The following PRRC2C variants were observed in gnomAD, a reference collection of about 807,000 sequenced individuals.
The protein encoded by PRRC2C is proline rich coiled-coil 2C.
A neutral mutation model predicts 317.2 loss-of-function variants in PRRC2C; 72 were observed. The observed-to-expected ratio is 0.23, with a 90% CI of 0.19 to 0.28. The LOEUF is 0.28. PRRC2C is among the 10% of genes least tolerant of loss of function. The probability of loss-of-function intolerance (pLI) is 1.00; values close to 1 mark genes in which losing one functional copy is unlikely to be tolerated. For missense variants in PRRC2C, 3,074 were observed against 3,459.7 expected (o/e 0.89, Z 2.80); for synonymous variants, 1,296 against 1,205.9 (o/e 1.07, Z -1.55).
chr1:171,497,370 G>A (rs1209972739), intron 1 of PRRC2C, among the ~76,000 whole-genome samples: 1 of 152,170 alleles, frequency 6.6e-6, no homozygotes, highest in Non-Finnish European at 1.5e-5. Flanking sequence ...TGTGTTTTGA[G>A]CAAATTACTT....
At chr1:171,549,989 GTTT>G (rs11358319) in intron 17 of PRRC2C, 94 bp from the exon 18 acceptor site, 1,062 of 715,294 alleles carry the variant, frequency 1.5e-3, no homozygotes, top group South Asian at 2.2e-3. Context: ...CCTTTGGCTA[GTTT>G]TTTTTTTTTT....
In PRRC2C at chr1:171,537,212, C is replaced by T. The variant is rs563326622; in HGVS notation, c.2294-51C>T. On this transcript the variant is annotated intron_variant, in intron 14 of 34. Transcript: ENST00000647382. Reference sequence around the variant, plus strand: ...TTCTATGTCTATCATGGTTTTGTTTCGTTCATTTTTCAAAATCCTCATTTC... The same window carrying T: ...TTCTATGTCTATCATGGTTTTGTTTTGTTCATTTTTCAAAATCCTCATTTC... 1.7e-5 allele frequency: 23 copies of T among 1,358,202 alleles called. No homozygotes were observed. In the East Asian group the frequency reaches 4.0e-4, roughly 24 times the overall value. The allele number at this position is 1,358,202 out of a possible 1,614,324, so 84.1% of individuals were successfully genotyped here.
intron 1 of PRRC2C, among the ~76,000 whole-genome samples, chr1:171,489,920 A>AT (rs34537475): frequency 1.7e-3 from 250 of 150,280 alleles, no homozygotes; most frequent in Middle Eastern, 3.4e-3. Flanking sequence ...ATTTAAACGA[A>AT]TTTTTTTTTT....
rs556767088 is a variant in PRRC2C at position 171,527,679 on chromosome 1, C to G, written c.1201-112C>G. On this transcript the variant is annotated intron_variant, in intron 10 of 34. Coordinates refer to ENST00000647382, the MANE Select transcript of PRRC2C (RefSeq NM_001387844.1). ...GCTGAGGCATGAGAATTGCTTGGCCCCGGGAGACAGAGGTTGCAGTGAGCC... is the reference window on the plus strand; with the variant it reads ...GCTGAGGCATGAGAATTGCTTGGCCGCGGGAGACAGAGGTTGCAGTGAGCC... The G allele has an allele frequency of 7.4e-6, 6 of 815,652 alleles. No individual in the cohort carries two copies. The Admixed American group carries it at 1.5e-4, about 20-fold the overall frequency. The allele number at this position is 815,652 out of a possible 1,614,324, so 50.5% of individuals were successfully genotyped here. A position where few individuals can be genotyped will look rare whatever the true frequency, so the allele number is the denominator to read the frequency against.
At chr1:171,591,548 T>C (rs1651443219) in intron 34 of PRRC2C, 39 bp from the exon 35 acceptor site, 3 of 1,596,152 alleles carry the variant, frequency 1.9e-6, no homozygotes, top group South Asian at 2.2e-5. Context: ...GCTTTGGTAA[T>C]GCTGCAGTAT....
intron 16 of PRRC2C, among the ~76,000 whole-genome samples, 189 bp downstream of exon 16, chr1:171,542,418 G>C (rs1307425027): frequency 2.0e-5 from 3 of 152,250 alleles, no homozygotes; most frequent in African/African-American, 4.8e-5. Flanking sequence ...TGTCTTAGGA[G>C]TCTTTGCCTG....
chr1:171,493,562 G>T (rs1557852526), intron 1 of PRRC2C, among the ~76,000 whole-genome samples: 1 of 152,200 alleles, frequency 6.6e-6, no homozygotes, highest in Non-Finnish European at 1.5e-5. Flanking sequence ...GGCTCACCCT[G>T]TAATCCCAGC....
At chr1:171,524,719 C>T (rs748529597) in intron 9 of PRRC2C, 102 bp from the exon 10 acceptor site, 546 of 1,211,966 alleles carry the variant, frequency 4.5e-4, no homozygotes, top group Non-Finnish European at 5.9e-4. Flanking sequence ...ACATTTCCCC[C>T]CCCAGAAACC....
intron 20 of PRRC2C, among the ~76,000 whole-genome samples, chr1:171,561,516 C>G (rs1009734039): frequency 1.3e-5 from 2 of 152,168 alleles, no homozygotes; most frequent in African/African-American, 4.8e-5. Context: ...AAACAGATTG[C>G]TGAGCCCCAT....
At chr1:171,508,224 T>G (rs997790770) in intron 1 of PRRC2C, among the ~76,000 whole-genome samples, 1 of 152,186 alleles carries the variant, frequency 6.6e-6, no homozygotes, top group East Asian at 1.9e-4. Flanking sequence ...GTGTACTAGA[T>G]TTCAGGAAAA....
chr1:171,532,999 CAA>C, intron 12 of PRRC2C, 38 bp downstream of exon 12: 1 of 1,488,152 alleles, frequency 6.7e-7, no homozygotes, highest in Non-Finnish European at 8.9e-7. Context: ...AAAAACTTTA[CAA>C]AGAGCTTTAT....
At chr1:171,547,150 T>C (rs1457644314) in intron 17 of PRRC2C, among the ~76,000 whole-genome samples, 1 of 152,160 alleles carries the variant, frequency 6.6e-6, no homozygotes, top group Non-Finnish European at 1.5e-5. Context: ...AAAAACTATA[T>C]ATATTTCTGA....
At chr1:171,560,978 CTA>C (rs1362813965) in intron 19 of PRRC2C, 38 bp from the exon 20 acceptor site, 24 of 1,486,406 alleles carry the variant, frequency 1.6e-5, no homozygotes, top group Non-Finnish European at 2.3e-5. Flanking sequence ...TTATTAGACT[CTA>C]AATCTTAATC....
In PRRC2C at chr1:171,577,521, A is replaced by G. The variant is rs757862578; in HGVS notation, c.7043A>G (p.Gln2348Arg). The G allele has an allele frequency of 1.2e-6, 2 of 1,612,790 alleles. No individual in the cohort carries two copies. The highest frequency in any genetic ancestry group is 1.3e-5 in the African/African-American group (1 of 74,908). Residue 2348 changes from glutamine (Q) to arginine (R), a missense_variant, in exon 26 of 35, where the codon CAG becomes CGG. Gln to Arg is a conservative substitution (Grantham distance 43, BLOSUM62 1). Transcript: ENST00000647382. ...AATATTTGTAAAGTGAAACCTCAGC[A>G]GTTACAGACAAGCAGCCTGCCTTCT... ...PPNICKVKPQ[Q>R]LQTSSLPSAS...
In PRRC2C at chr1:171,586,669, C is replaced by G. The variant is rs542592579; in HGVS notation, c.7750-334C>G. Among the ~76,000 whole-genome samples, 12 of 151,902 alleles carry G rather than the reference C, an allele frequency of 7.9e-5. No homozygotes were observed. In the South Asian group the frequency reaches 1.9e-3, roughly 24 times the overall value. Reference sequence around the variant, plus strand: ...GATCTCGGCTCACTGCAACCTCCCCCTCCTGGGTCCAAGTGATTCTCATGC... The same window carrying G: ...GATCTCGGCTCACTGCAACCTCCCCGTCCTGGGTCCAAGTGATTCTCATGC... On this transcript the variant is annotated intron_variant, in intron 30 of 34. Coordinates refer to ENST00000647382, the MANE Select transcript of PRRC2C (RefSeq NM_001387844.1).
At chr1:171,568,820 C>T (rs80264131) in intron 23 of PRRC2C, among the ~76,000 whole-genome samples, 2,123 of 151,332 alleles carry the variant, frequency 0.014, 56 homozygotes, top group African/African-American at 0.05. Flanking sequence ...GTGTTAACAA[C>T]ATTCTTGTTG....
At chr1:171,560,349 A>T (rs796100153) in intron 19 of PRRC2C, among the ~76,000 whole-genome samples, 9 of 152,298 alleles carry the variant, frequency 5.9e-5, no homozygotes, top group African/African-American at 2.2e-4. Flanking sequence ...TGTTGAAATG[A>T]CAGCAAAGGA....
Position 171,585,544 on chromosome 1 carries a change from T to C in PRRC2C, c.7749+1018T>C, listed in dbSNP as rs187463781. On this transcript the variant is annotated intron_variant, in intron 30 of 34. Coordinates refer to ENST00000647382, the MANE Select transcript of PRRC2C (RefSeq NM_001387844.1). ...ATCTTATTGACATTCAGATTAAATATAGTGTTTATGTGAAAACTGAGAGAT... is the reference window on the plus strand; with the variant it reads ...ATCTTATTGACATTCAGATTAAATACAGTGTTTATGTGAAAACTGAGAGAT... Among the ~76,000 whole-genome samples, 11 of 152,334 alleles carry C rather than the reference T, an allele frequency of 7.2e-5. No homozygotes were observed. The East Asian group carries it at 1.9e-3, about 27-fold the overall frequency.
chr1:171,547,650 T>TG (rs1318179226), intron 17 of PRRC2C, among the ~76,000 whole-genome samples: 5 of 148,364 alleles, frequency 3.4e-5, no homozygotes, highest in East Asian at 3.9e-4. Context: ...TTTTTTGTTT[T>TG]TTTTTTTTTT....
Sources: allele counts gnomAD v4.1 joint callset (sites outside exome capture counted in the v4.1 genomes callset), GRCh38; gene constraint gnomAD v4.1.1; transcripts MANE v1.5; gene names NCBI Gene and HGNC (gene_info 2026-07-23, HGNC 2026-07-21).